NEB: variants seen among roughly 807,000 people sequenced by gnomAD.
NEB encodes the protein nebulin, also known as nemaline myopathy type 2.
Under a neutral mutation model 952.2 loss-of-function variants are expected in NEB, and 512 were observed. That is an observed-to-expected ratio of 0.54 (90% CI 0.50 to 0.58). The LOEUF (loss-of-function observed/expected upper bound fraction) is 0.58. Among genes scored for constraint, NEB ranks in the 20% least tolerant of loss-of-function variants. The pLI, the probability that NEB is intolerant of heterozygous loss-of-function variation, is 0.00. For synonymous variants in NEB, 2,900 were observed against 3,149.8 expected (o/e 0.92, Z 2.66); for missense variants, 8,428 against 9,231.1 (o/e 0.91, Z 3.56).
chr2:151,698,788 C>A (rs528857504), intron 13 of NEB, among the ~76,000 whole-genome samples: 29 of 151,966 alleles, frequency 1.9e-4, no homozygotes, highest in African/African-American at 5.3e-4. Flanking sequence ...CAGGTGCCTG[C>A]CACCATGCCC....
In NEB at chr2:151,655,364, G is replaced by C. The variant is rs368244387; in HGVS notation, c.6713C>G (p.Thr2238Ser). ...GGTCTTATCTTTATTCCAATCAATG[G>C]TGTATAAATGCTAGGAAGTGGGAAA... ...NAHTMNKHLYTIDWNKDKTKI... is the reference protein window; with the variant it reads ...NAHTMNKHLYSIDWNKDKTKI... The change falls in exon 51 of 182, where the codon ACC (threonine) becomes AGC (serine). Residue 2238 changes from threonine to serine, a missense_variant. Physicochemically the swap from Thr to Ser is moderately conservative, Grantham distance 58. Coordinates refer to ENST00000397345, the MANE Select transcript of NEB (RefSeq NM_001164508.2). 1 of 1,563,664 alleles carries C rather than the reference G, an allele frequency of 6.4e-7. No homozygotes were observed. The highest frequency in any genetic ancestry group is 8.7e-7 in the Non-Finnish European group (1 of 1,147,734).
rs750352913 is a variant in NEB, at chr2:151,666,272, C to A, written c.4849G>T (p.Gly1617Cys). Reference protein sequence around the residue: ...KIQSDREYKKGYEASKTKYHT... With the variant: ...KIQSDREYKKCYEASKTKYHT... ...TACTTGGTCTTGCTGGCTTCATAGCCCTTTTTGTACTCACGATCAGACTGG... is the reference window on the plus strand; with the variant it reads ...TACTTGGTCTTGCTGGCTTCATAGCACTTTTTGTACTCACGATCAGACTGG... The change falls in exon 41 of 182, where the codon GGC (glycine) becomes TGC (cysteine). Residue 1617 changes from glycine (G) to cysteine (C), a missense_variant. Gly to Cys is a radical substitution (Grantham distance 159, BLOSUM62 -3). Transcript: ENST00000397345. 3.7e-6 allele frequency: 6 copies of A among 1,613,782 alleles called. No homozygotes were observed. In the African/African-American group the frequency reaches 8.0e-5, roughly 22 times the overall value.
intron 124 of NEB, among the ~76,000 whole-genome samples, 153 bp downstream of exon 124, chr2:151,560,439 T>C (rs146019317): frequency 2.6e-5 from 4 of 152,128 alleles, no homozygotes; most frequent in African/African-American, 7.2e-5. Context: ...TAGACTCTAA[T>C]GACTGAGCAT....
At chr2:151,659,458 G>A (rs549722074) in intron 46 of NEB, among the ~76,000 whole-genome samples, 98 of 152,056 alleles carry the variant, frequency 6.4e-4, no homozygotes, top group Non-Finnish European at 1.3e-3. Context: ...GCACTACCAT[G>A]CCTGGCTAAT....
At chr2:151,618,598 T>G in intron 73 of NEB, 120 bp from the exon 74 acceptor site, 1 of 1,002,302 alleles carries the variant, frequency 1.0e-6, no homozygotes, top group South Asian at 1.5e-5. Flanking sequence ...CCTAGCATAG[T>G]CATTCACTCA....
At chr2:151,515,688 T>C (rs553573261) in intron 157 of NEB, among the ~76,000 whole-genome samples, 4 of 152,290 alleles carry the variant, frequency 2.6e-5, no homozygotes, top group Admixed American at 1.3e-4. Flanking sequence ...AATTTTGTTA[T>C]TTTAATAGAA....
intron 13 of NEB, among the ~76,000 whole-genome samples, chr2:151,703,056 TG>T (rs1439759839): frequency 1.3e-5 from 2 of 151,664 alleles, no homozygotes; most frequent in African/African-American, 2.4e-5. Flanking sequence ...GCAGGCCTGG[TG>T]GTGACAAAAT....
In NEB at chr2:151,619,530, T is replaced by C; in HGVS notation, c.10793A>G (p.His3598Arg). 1 of 1,613,992 alleles carries C rather than the reference T, an allele frequency of 6.2e-7. No homozygotes were observed. Among genetic ancestry groups the C allele is most frequent in the Non-Finnish European group, 8.5e-7 (1 of 1,179,870 alleles). ...CAGGCAGATCCATTCATGCAGAGGA[T>C]GTTTATAGTCCACATCGCTGACCAA... ...QTLVSDVDYK[H>R]PLHEWICLPD... Residue 3598 changes from histidine to arginine, a missense_variant, in exon 73 of 182, where the codon CAT becomes CGT. Physicochemically the swap from His to Arg is conservative, Grantham distance 29. Transcript: ENST00000397345.
chr2:151,665,987 C>T, intron 41 of NEB, 103 bp downstream of exon 41: 1 of 1,216,628 alleles, frequency 8.2e-7, no homozygotes, highest in Non-Finnish European at 1.1e-6. Context: ...GGAGGGAATC[C>T]TTAATTACAG....
intron 178 of NEB, 27 bp downstream of exon 178, chr2:151,492,071 C>A (rs369208403): frequency 8.1e-6 from 13 of 1,609,156 alleles, no homozygotes; most frequent in Non-Finnish European, 1.1e-5. Flanking sequence ...TAAAGTTAAT[C>A]CCCTCCCCCA....
In NEB at chr2:151,725,559, T is replaced by A. The variant is rs1321273866; in HGVS notation, c.296A>T (p.Asn99Ile). Reference sequence around the variant, plus strand: ...TTTCTCAAACTTCTCCTTGTATTTATTCTGAAAAGAATATCAGATATTAGC... The same window carrying A: ...TTTCTCAAACTTCTCCTTGTATTTAATCTGAAAAGAATATCAGATATTAGC... ...SQKMQDLFSP[N>I]KYKEKFEKTK... is the part of the protein sequence containing the mutation. Residue 99 changes from asparagine to isoleucine, a missense_variant and splice_region_variant, in exon 6 of 182, where the codon AAT becomes ATT. Coordinates refer to ENST00000397345, the MANE Select transcript of NEB (RefSeq NM_001164508.2). 3 of 1,612,352 alleles carry A rather than the reference T, an allele frequency of 1.9e-6. No homozygotes were observed. The East Asian group carries it at 6.7e-5, about 36-fold the overall frequency.
In NEB at chr2:151,625,758, T is replaced by C. The variant is rs921844232; in HGVS notation, c.10348-120A>G. The stretch of plus-strand genomic sequence containing the variant: ...TTCTTGCTGTCTGTTCCATGTATGT[T>C]AATATTCTTTTCAACCTCTTTGATT... On this transcript the variant is annotated intron_variant, in intron 70 of 181. Coordinates refer to ENST00000397345, the MANE Select transcript of NEB (RefSeq NM_001164508.2). 1.5e-5 allele frequency: 8 copies of C among 542,456 alleles called. No individual in the cohort carries two copies. The African/African-American group carries it at 1.5e-4, about 10-fold the overall frequency. The allele number at this position is 542,456 out of a possible 1,614,324, so 33.6% of individuals were successfully genotyped here.
chr2:151,692,088 AGT>A lies in NEB; in HGVS notation c.2075_2076del (p.His692LeufsTer10), dbSNP rs2149163148. On this transcript the variant is annotated frameshift_variant, in exon 22 of 182. Transcript: ENST00000397345. LOFTEE classifies it high-confidence loss of function. Reference sequence around the variant, plus strand: ...CTGTTTTGAGCTGCAACTTTCATGCAGTGTGTGTGATATGGGTCCTCCATGCT... The same window carrying A: ...CTGTTTTGAGCTGCAACTTTCATGCAGTGTGTGATATGGGTCCTCCATGCT... The part of the protein sequence containing the change: ...VGSMEDPYHT[H>X]CMKVAAQNSD... 1 of 1,613,960 alleles carries A rather than the reference AGT, an allele frequency of 6.2e-7. No homozygotes were observed. The highest frequency in any genetic ancestry group is 2.2e-5 in the East Asian group (1 of 44,878).
intron 12 of NEB, among the ~76,000 whole-genome samples, chr2:151,708,245 A>G (rs1226490154): frequency 6.6e-6 from 1 of 152,160 alleles, no homozygotes; most frequent in African/African-American, 2.4e-5. Flanking sequence ...CCAGTTTTTC[A>G]TTAGCTACTT....
rs140323673 is a variant in NEB at position 151,547,441 on chromosome 2, G to A, written c.20355C>T (p.Asp6785=). 3.3e-4 allele frequency: 534 copies of A among 1,599,264 alleles called. 3 individuals are homozygous for A. The highest frequency in any genetic ancestry group is 3.0e-3 in the Middle Eastern group (18 of 6,034). Residue 6785 remains aspartate, a synonymous_variant, in exon 133 of 182, where the codon GAC becomes GAT. Transcript: ENST00000397345. Reference sequence around the variant, plus strand: ...ACGAGATGCTTACATCACTGGTGATGTCTCCCACATAGCGGCAATGGATCA... The same window carrying A: ...ACGAGATGCTTACATCACTGGTGATATCTCCCACATAGCGGCAATGGATCA... ...PQVIHCRYVG[D]ITSDIKYKED...
At chr2:151,509,716 C>A (rs968226049) in intron 161 of NEB, among the ~76,000 whole-genome samples, 5 of 152,260 alleles carry the variant, frequency 3.3e-5, no homozygotes, top group Admixed American at 3.3e-4. Flanking sequence ...CAACCTCTGA[C>A]TCCCTGGTTC....
chr2:151,640,358 G>C lies in NEB; in HGVS notation c.8682C>G (p.Ser2894Arg). 1.9e-6 allele frequency: 3 copies of C among 1,613,228 alleles called. No homozygotes were observed. The highest frequency in any genetic ancestry group is 2.5e-6 in the Non-Finnish European group (3 of 1,179,364). Residue 2894 changes from serine to arginine, a missense_variant, in exon 61 of 182, where the codon AGC becomes AGG. Ser to Arg is a moderately radical substitution (Grantham distance 110). Coordinates refer to ENST00000397345, the MANE Select transcript of NEB (RefSeq NM_001164508.2). ...IHARQAYDLQ[S>R]DNMYKSDLQW... ...TATTATGACTCTCAGTACTCACATC[G>C]CTCTGGAGGTCATAGGCCTGCCGAG...
chr2:151,696,814 C>T (rs2099599913), intron 16 of NEB, 79 bp from the exon 17 acceptor site: 2 of 974,430 alleles, frequency 2.1e-6, no homozygotes, highest in Non-Finnish European at 3.3e-6. Context: ...GCAAATAGAA[C>T]CTCATGCCCC....
intron 36 of NEB, among the ~76,000 whole-genome samples, chr2:151,673,176 G>T (rs553097509): frequency 6.6e-6 from 1 of 152,212 alleles, no homozygotes; most frequent in Non-Finnish European, 1.5e-5. Flanking sequence ...CCTGCTGTGG[G>T]GTTTTCCCAT....
Sources: allele counts gnomAD v4.1 joint callset (sites outside exome capture counted in the v4.1 genomes callset), GRCh38; gene constraint gnomAD v4.1.1; transcripts MANE v1.5; gene names NCBI Gene and HGNC (gene_info 2026-07-23, HGNC 2026-07-21).